The following GDPD1 variants were observed in gnomAD, a reference collection of about 807,000 sequenced individuals.
GDPD1 encodes glycerophosphodiester phosphodiesterase domain containing 1.
In GDPD1, 28 loss-of-function variants were observed where a neutral mutation model predicts 45.1. That is an observed-to-expected ratio of 0.62 (90% CI 0.46 to 0.85). The LOEUF (loss-of-function observed/expected upper bound fraction) is 0.85, where lower values mean the gene tolerates loss of function less well. Ranked by LOEUF, GDPD1 falls within the 40% of genes least tolerant of loss-of-function variation. GDPD1 has a pLI of 0.00. For synonymous variants in GDPD1, 139 were observed against 131.4 expected (o/e 1.06, Z -0.40); for missense variants, 256 against 364.8 (o/e 0.70, Z 2.43).
At chr17:59,270,519 G>GGAAAACAC (rs2047436694) in intron 7 of GDPD1, among the ~76,000 whole-genome samples, 1 of 151,894 alleles carries the variant, frequency 6.6e-6, no homozygotes, top group African/African-American at 2.4e-5. Context: ...TTAAAGGAAA[G>GGAAAACAC]GAAAACACGT....
intron 1 of GDPD1, among the ~76,000 whole-genome samples, chr17:59,232,013 G>C (rs1042933699): frequency 1.3e-5 from 2 of 152,110 alleles, no homozygotes; most frequent in Non-Finnish European, 2.9e-5. Context: ...AGATAAATTT[G>C]TGCATGTCTG....
At chr17:59,228,526 T>C (rs1360948879) in intron 1 of GDPD1, among the ~76,000 whole-genome samples, 1 of 152,146 alleles carries the variant, frequency 6.6e-6, no homozygotes, top group East Asian at 1.9e-4. Context: ...CTGAGGAGAC[T>C]TATGTGTACC....
At chr17:59,257,006 C>T (rs992769552) in intron 4 of GDPD1, 116 bp from the exon 5 acceptor site, 2 of 503,758 alleles carry the variant, frequency 4.0e-6, no homozygotes, top group South Asian at 3.6e-5. Context: ...TTTTTCTTCT[C>T]TATACTTTTC....
At chr17:59,272,931 C>G (rs757572596) in intron 9 of GDPD1, 95 bp downstream of exon 9, 2 of 1,607,098 alleles carry the variant, frequency 1.2e-6, no homozygotes, top group South Asian at 2.2e-5. Context: ...TTAGTTTGGC[C>G]CTTGACTCTG....
intron 1 of GDPD1, 69 bp downstream of exon 1, chr17:59,220,820 A>G: frequency 6.5e-7 from 1 of 1,545,390 alleles, no homozygotes; most frequent in Admixed American, 1.8e-5. Flanking sequence ...GCTCCGCAAA[A>G]GGCAGCCGGG....
At chr17:59,272,074 G>C (rs1032354787) in intron 8 of GDPD1, among the ~76,000 whole-genome samples, 2 of 152,008 alleles carry the variant, frequency 1.3e-5, no homozygotes, top group African/African-American at 4.8e-5. Context: ...AAACCAGGAT[G>C]CATTTTTTTT....
chr17:59,248,001 G>T (rs1019580104), intron 3 of GDPD1, among the ~76,000 whole-genome samples: 4 of 151,880 alleles, frequency 2.6e-5, no homozygotes, highest in Non-Finnish European at 1.5e-5. Flanking sequence ...TATTTATAAA[G>T]ATATATAAAT....
chr17:59,241,249 A>G (rs2047173655), intron 2 of GDPD1, among the ~76,000 whole-genome samples: 2 of 152,254 alleles, frequency 1.3e-5, no homozygotes, highest in African/African-American at 4.8e-5. Flanking sequence ...GTAAGAATAC[A>G]GGAGTATACA....
intron 7 of GDPD1, among the ~76,000 whole-genome samples, chr17:59,268,335 G>A (rs2047413958): frequency 6.6e-6 from 1 of 151,858 alleles, no homozygotes; most frequent in African/African-American, 2.4e-5. Flanking sequence ...CCAGCACTTT[G>A]GGAGGCCAAG....
At chr17:59,273,617 T>C in intron 9 of GDPD1, 34 bp from the exon 10 acceptor site, 1 of 1,247,232 alleles carries the variant, frequency 8.0e-7, no homozygotes, top group Non-Finnish European at 1.1e-6. Flanking sequence ...ATTTTAACAT[T>C]TCTTCTCATA....
chr17:59,246,817 G>T (rs1409719295), intron 3 of GDPD1, among the ~76,000 whole-genome samples: 1 of 151,628 alleles, frequency 6.6e-6, no homozygotes, highest in East Asian at 1.9e-4. Context: ...GCCCAGGCTG[G>T]AGTGCAGTGG....
intron 7 of GDPD1, among the ~76,000 whole-genome samples, chr17:59,267,802 T>C (rs1160578757): frequency 6.6e-6 from 1 of 151,802 alleles, no homozygotes; most frequent in Non-Finnish European, 1.5e-5. Context: ...CCCGAGTAGC[T>C]GGGATTATAG....
chr17:59,267,826 T>G (rs2047410492), intron 7 of GDPD1, among the ~76,000 whole-genome samples: 1 of 151,866 alleles, frequency 6.6e-6, no homozygotes, highest in African/African-American at 2.4e-5. Context: ...CCCACCACCT[T>G]GCCTGGCTAA....
At chr17:59,246,512 C>T (rs1423647514) in intron 3 of GDPD1, among the ~76,000 whole-genome samples, 1 of 151,148 alleles carries the variant, frequency 6.6e-6, no homozygotes. Context: ...AGTTCGGGAC[C>T]GCCCTGGCCA....
intron 6 of GDPD1, among the ~76,000 whole-genome samples, chr17:59,265,900 T>TAAAA (rs2047395102): frequency 1.2e-5 from 1 of 84,864 alleles, no homozygotes; most frequent in Non-Finnish European, 2.2e-5. Flanking sequence ...AGACCTTATC[T>TAAAA]CAAAAAAAAA....
chr17:59,251,880 A>G (rs906253246), intron 4 of GDPD1, among the ~76,000 whole-genome samples: 16 of 148,722 alleles, frequency 1.1e-4, no homozygotes, highest in African/African-American at 4.0e-4. Flanking sequence ...GCATGGTGGT[A>G]TGCACCTGTG....
chr17:59,233,526 A>AAAAG (rs1456756192), intron 1 of GDPD1, among the ~76,000 whole-genome samples: 1 of 150,006 alleles, frequency 6.7e-6, no homozygotes, highest in African/African-American at 2.5e-5. Flanking sequence ...AAAAAAAAAA[A>AAAAG]AAAGAAAGAA....
rs1015377015 is a variant in GDPD1, at chr17:59,274,847, T to A, written c.*1074T>A. On this transcript the variant is annotated 3_prime_UTR_variant, in exon 10 of 10. Coordinates refer to ENST00000284116, the MANE Select transcript of GDPD1 (RefSeq NM_182569.4). ...AATACAATCAATTAGTAAAAGATTTTTTTTTTTTTTTTGACATGTAGTCTT... is the reference window on the plus strand; with the variant it reads ...AATACAATCAATTAGTAAAAGATTTATTTTTTTTTTTTGACATGTAGTCTT... Among the ~76,000 whole-genome samples the A allele has an allele frequency of 4.0e-5, 6 of 151,446 alleles. No individual in the cohort carries two copies. The South Asian group carries it at 6.3e-4, about 16-fold the overall frequency.
intron 2 of GDPD1, among the ~76,000 whole-genome samples, chr17:59,239,908 A>AT (rs1048039465): frequency 6.0e-5 from 9 of 150,458 alleles, no homozygotes; most frequent in African/African-American, 1.2e-4. Context: ...AATTTTTCAT[A>AT]TTTTTTTTAG....
Sources: gnomAD v4.1 joint callset for allele counts (sites outside exome capture counted in the v4.1 genomes callset) on GRCh38, gnomAD v4.1.1 for gene constraint, MANE v1.5 for transcripts, NCBI Gene and HGNC (gene_info 2026-07-23, HGNC 2026-07-21) for gene names.